Variants in GSK3B observed in about 807,000 individuals in gnomAD.
GSK3B encodes the protein glycogen synthase kinase 3 beta.
Under a neutral mutation model 56.4 loss-of-function variants are expected in GSK3B, and 15 were observed. The ratio of observed to expected loss-of-function variants is 0.27; its 90% CI spans 0.18 to 0.41. The LOEUF is 0.41. GSK3B is among the 10% of genes least tolerant of loss of function. GSK3B has a pLI of 1.00. For synonymous variants in GSK3B, 181 were observed against 188.9 expected (o/e 0.96, Z 0.34); for missense variants, 300 against 513.4 (o/e 0.58, Z 4.02).
chr3:119,930,123 A>ACG (rs1553735391), intron 3 of GSK3B, among the ~76,000 whole-genome samples: 35 of 137,104 alleles, frequency 2.6e-4, no homozygotes, highest in African/African-American at 7.5e-4. Context: ...ACACACACAC[A>ACG]CGTGCGCATG....
chr3:119,955,463 C>T (rs1038938745), intron 2 of GSK3B, among the ~76,000 whole-genome samples: 1 of 152,090 alleles, frequency 6.6e-6, no homozygotes, highest in African/African-American at 2.4e-5. Flanking sequence ...AAACCAACAA[C>T]TATAACACAA....
chr3:119,896,528 T>C (rs13321783), intron 7 of GSK3B, among the ~76,000 whole-genome samples: 84,723 of 152,082 alleles, frequency 0.56, 26,962 homozygotes, highest in African/African-American at 0.89. Context: ...ATTTCCTTCA[T>C]ACTGTCTTAA....
At chr3:119,922,763 T>C (rs1319379197) in intron 4 of GSK3B, among the ~76,000 whole-genome samples, 1 of 152,106 alleles carries the variant, frequency 6.6e-6, no homozygotes, top group East Asian at 1.9e-4. Flanking sequence ...CTACTAGTTT[T>C]CACAATGCCA....
chr3:120,067,461 T>C (rs534091699), intron 1 of GSK3B, among the ~76,000 whole-genome samples: 3 of 152,294 alleles, frequency 2.0e-5, no homozygotes, highest in South Asian at 2.1e-4. Context: ...TAGCCTATAG[T>C]TGGGCAAAAT....
chr3:119,822,525 G>A lies in GSK3B; in HGVS notation c.*4263C>T, dbSNP rs2055428402. On this transcript the variant is annotated 3_prime_UTR_variant, in exon 11 of 11. Transcript: ENST00000264235. The stretch of plus-strand genomic sequence containing the variant: ...TTGTCATTTTGCTTTTATTGCAGAG[G>A]TGCAAAACGGAGCAACAAACTTGAA... 4 of 227,058 alleles carry A rather than the reference G, an allele frequency of 1.8e-5. No homozygotes were observed. The highest frequency in any genetic ancestry group is 5.7e-5 in the Admixed American group (1 of 17,572). The allele number at this position is 227,058 out of a possible 1,614,324, so 14.1% of individuals were successfully genotyped here.
At chr3:119,928,612 T>TAAAAAAAAAAAAAAAA (rs1160252679) in intron 3 of GSK3B, among the ~76,000 whole-genome samples, 5 of 67,020 alleles carry the variant, frequency 7.5e-5, no homozygotes, top group African/African-American at 2.4e-4. Flanking sequence ...ATCAAAAAAA[T>TAAAAAAAAAAAAAAAA]AAAAAAAAAA....
At chr3:119,961,739 A>C (rs1028566919) in intron 2 of GSK3B, among the ~76,000 whole-genome samples, 2 of 152,172 alleles carry the variant, frequency 1.3e-5, no homozygotes, top group African/African-American at 4.8e-5. Flanking sequence ...CAACAAAATA[A>C]AAGTTATAAA....
chr3:119,884,449 A>T (rs2056412659), intron 7 of GSK3B, among the ~76,000 whole-genome samples: 1 of 152,204 alleles, frequency 6.6e-6, no homozygotes, highest in African/African-American at 2.4e-5. Flanking sequence ...ATGTAAGAGC[A>T]GTGTGCTAGA....
At chr3:120,071,787 C>A (rs963419103) in intron 1 of GSK3B, among the ~76,000 whole-genome samples, 5 of 152,164 alleles carry the variant, frequency 3.3e-5, no homozygotes, top group Non-Finnish European at 7.4e-5. Flanking sequence ...AAACCATCCA[C>A]GCTCGTCCAT....
At chr3:119,940,374 TTTTCTTTC>T (rs942903283) in intron 3 of GSK3B, among the ~76,000 whole-genome samples, 2 of 151,958 alleles carry the variant, frequency 1.3e-5, no homozygotes, top group Non-Finnish European at 2.9e-5. Context: ...GTTCTTGGCC[TTTTCTTTC>T]TTTCTTTCAT....
chr3:119,910,754 C>G (rs1162472008), intron 6 of GSK3B, among the ~76,000 whole-genome samples: 2 of 152,194 alleles, frequency 1.3e-5, no homozygotes. Flanking sequence ...GTCCTCTCAA[C>G]CCCTGCTGCT....
intron 1 of GSK3B, among the ~76,000 whole-genome samples, chr3:120,075,492 GA>G (rs1317596993): frequency 6.6e-6 from 1 of 152,020 alleles, no homozygotes; most frequent in Non-Finnish European, 1.5e-5. Flanking sequence ...AAACTCCAAA[GA>G]CCACATGAAA....
chr3:120,089,198 G>C (rs1406658329), intron 1 of GSK3B, among the ~76,000 whole-genome samples: 4 of 152,204 alleles, frequency 2.6e-5, no homozygotes, highest in Non-Finnish European at 5.9e-5. Flanking sequence ...GGTGATTTGT[G>C]AATCACTGGG....
intron 3 of GSK3B, among the ~76,000 whole-genome samples, chr3:119,938,589 C>T (rs2057017950): frequency 6.6e-6 from 1 of 152,068 alleles, no homozygotes; most frequent in African/African-American, 2.4e-5. Context: ...AATTCCATTT[C>T]GTGATAAAAC....
intron 7 of GSK3B, among the ~76,000 whole-genome samples, chr3:119,881,224 T>G (rs1032270343): frequency 6.6e-6 from 1 of 152,122 alleles, no homozygotes; most frequent in Admixed American, 6.6e-5. Context: ...ACAACATGAC[T>G]GCCTTAAAGT....
At chr3:120,059,857 A>G (rs2058221888) in intron 1 of GSK3B, among the ~76,000 whole-genome samples, 2 of 152,236 alleles carry the variant, frequency 1.3e-5, no homozygotes. Flanking sequence ...GCCATACTAC[A>G]AAACAGCTAT....
intron 1 of GSK3B, among the ~76,000 whole-genome samples, chr3:120,030,517 C>A (rs1026433319): frequency 1.3e-5 from 2 of 152,146 alleles, no homozygotes; most frequent in Admixed American, 6.5e-5. Flanking sequence ...CATATCATGC[C>A]ATTATTCCCT....
chr3:120,050,020 G>A (rs1053319339), intron 1 of GSK3B, among the ~76,000 whole-genome samples: 1 of 152,156 alleles, frequency 6.6e-6, no homozygotes, highest in African/African-American at 2.4e-5. Context: ...AAATTTAAAG[G>A]GCATGGCCCT....
At position 119,923,393 on chromosome 3, in the gene GSK3B, G is replaced by T; in HGVS notation, c.457C>A (p.Leu153Ile). ...CATACCTTGACATAAATCACAGGGAGCGTCTGTTTGGCTCGACTATAGTGT... is the reference window on the plus strand; with the variant it reads ...CATACCTTGACATAAATCACAGGGATCGTCTGTTTGGCTCGACTATAGTGT... ...ARHYSRAKQT[L>I]PVIYVKLYMY... Residue 153 changes from leucine (L) to isoleucine (I), a missense_variant, in exon 4 of 11, where the codon CTC becomes ATC. This residue lies in a region of GSK3B where 62 missense variants were observed against 84.0 expected (regional missense o/e 0.74). Transcript: ENST00000264235. The T allele has an allele frequency of 6.4e-7, 1 of 1,571,292 alleles. No homozygotes were observed.
Sources: gnomAD v4.1 joint callset for allele counts (sites outside exome capture counted in the v4.1 genomes callset) on GRCh38, gnomAD v4.1.1 for gene constraint, gnomAD v4.1.1 regional missense constraint, MANE v1.5 for transcripts, NCBI Gene and HGNC (gene_info 2026-07-23, HGNC 2026-07-21) for gene names.